Variants in CNTNAP5 observed in about 807,000 individuals in gnomAD.
CNTNAP5 encodes contactin-associated protein-like 5.
In CNTNAP5, 72 loss-of-function variants were observed where a neutral mutation model predicts 150.2. The ratio of observed to expected loss-of-function variants is 0.48; its 90% CI spans 0.40 to 0.58. The LOEUF is 0.58. CNTNAP5 is among the 20% of genes least tolerant of loss of function. The probability of loss-of-function intolerance (pLI) is 0.00; values close to 1 mark genes in which losing one functional copy is unlikely to be tolerated. For missense variants in CNTNAP5, 1,636 were observed against 1,626.2 expected, an observed-to-expected ratio of 1.01 and a Z score of -0.10; for synonymous variants, 672 against 619.8, an observed-to-expected ratio of 1.08 and a Z score of -1.25.
chr2:124,613,443 A>G (rs1489604923), intron 12 of CNTNAP5, among the ~76,000 whole-genome samples: 1 of 152,220 alleles, frequency 6.6e-6, no homozygotes, highest in Non-Finnish European at 1.5e-5. Context: ...CCACATCTGT[A>G]AAATTAAGAT....
At chr2:124,896,190 C>G (rs2104753244) in intron 21 of CNTNAP5, among the ~76,000 whole-genome samples, 1 of 151,528 alleles carries the variant, frequency 6.6e-6, no homozygotes, top group African/African-American at 2.4e-5. Flanking sequence ...AGAGAGCGTT[C>G]TGGATAACAT....
chr2:124,252,624 T>C (rs1282876234), intron 3 of CNTNAP5, among the ~76,000 whole-genome samples: 3 of 152,218 alleles, frequency 2.0e-5, no homozygotes, highest in Non-Finnish European at 4.4e-5. Context: ...TGAGTTCTCT[T>C]CTTGAAATAC....
intron 3 of CNTNAP5, among the ~76,000 whole-genome samples, chr2:124,286,311 C>G (rs1454803914): frequency 1.3e-5 from 2 of 152,170 alleles, no homozygotes; most frequent in African/African-American, 4.8e-5. Flanking sequence ...ACTTCTTCTG[C>G]CCAGCATGAA....
At chr2:124,495,638 AC>A (rs1383376660) in intron 7 of CNTNAP5, among the ~76,000 whole-genome samples, 2 of 152,068 alleles carry the variant, frequency 1.3e-5, no homozygotes, top group East Asian at 3.9e-4. Context: ...CTCAAATGAA[AC>A]CCTAATGTGC....
intron 19 of CNTNAP5, among the ~76,000 whole-genome samples, chr2:124,858,737 C>A (rs948748744): frequency 6.6e-6 from 1 of 152,104 alleles, no homozygotes; most frequent in South Asian, 2.1e-4. Context: ...TAAATCATAT[C>A]ACCAGAGAAA....
At chr2:124,101,710 C>T (rs1239471225) in intron 1 of CNTNAP5, among the ~76,000 whole-genome samples, 1 of 152,156 alleles carries the variant, frequency 6.6e-6, no homozygotes, top group Non-Finnish European at 1.5e-5. Context: ...TCACTTCAGC[C>T]CCAATCAGCA....
chr2:124,414,116 T>A (rs544267857), intron 3 of CNTNAP5, among the ~76,000 whole-genome samples: 1 of 151,392 alleles, frequency 6.6e-6, no homozygotes, highest in Admixed American at 6.6e-5. Flanking sequence ...ATTTTTGGAT[T>A]TCCTTTTTTT....
At chr2:124,510,841 G>A (rs916715941) in intron 8 of CNTNAP5, among the ~76,000 whole-genome samples, 1 of 152,150 alleles carries the variant, frequency 6.6e-6, no homozygotes, top group Non-Finnish European at 1.5e-5. Context: ...ACACCTTCTA[G>A]GAGTCTTGCT....
intron 3 of CNTNAP5, among the ~76,000 whole-genome samples, chr2:124,403,727 C>T (rs558698581): frequency 7.2e-5 from 11 of 152,232 alleles, no homozygotes; most frequent in South Asian, 2.1e-4. Flanking sequence ...CGTATTAGTC[C>T]GGTCTCATGC....
intron 1 of CNTNAP5, among the ~76,000 whole-genome samples, chr2:124,122,858 T>C (rs1189630790): frequency 2.0e-5 from 3 of 151,818 alleles, no homozygotes; most frequent in African/African-American, 7.3e-5. Context: ...TTGACACCCA[T>C]GTCAGTGCCC....
intron 3 of CNTNAP5, among the ~76,000 whole-genome samples, chr2:124,380,650 A>T (rs1330877074): frequency 2.6e-5 from 4 of 152,042 alleles, no homozygotes; most frequent in Admixed American, 6.6e-5. Context: ...TCTCTTTCGA[A>T]ATTTGTAATA....
At chr2:124,344,214 T>C (rs1204669878) in intron 3 of CNTNAP5, among the ~76,000 whole-genome samples, 2 of 152,124 alleles carry the variant, frequency 1.3e-5, no homozygotes, top group African/African-American at 4.8e-5. Context: ...CCAAAACTCA[T>C]GTCCTTCTCA....
chr2:124,852,369 C>A (rs979232059), intron 19 of CNTNAP5, among the ~76,000 whole-genome samples: 4 of 152,046 alleles, frequency 2.6e-5, no homozygotes, highest in African/African-American at 7.2e-5. Flanking sequence ...GTATCAGGAG[C>A]ATTCTAGGTG....
At position 124,119,500 on chromosome 2, in the gene CNTNAP5, A is replaced by G. The variant is rs192095350; in HGVS notation, c.82+93768A>G. ...CACCAGTAAAAACAAAACACTTTCA[A>G]TTTTTAAAAATTTTGTCTATAGCAC... On this transcript the variant is annotated intron_variant, in intron 1 of 23. Coordinates refer to ENST00000682447, the MANE Select transcript of CNTNAP5 (RefSeq NM_001367498.1). 2.5e-3 allele frequency among the ~76,000 whole-genome samples: 384 copies of G among 152,242 alleles called. 5 individuals are homozygous for G. In the South Asian group the frequency reaches 0.03, roughly 12 times the overall value.
In CNTNAP5 at chr2:124,489,258, T is replaced by C. The variant is rs189792953; in HGVS notation, c.1062+14376T>C. ...TTGACTAACACAACAGAAATTATTT[T>C]CCCACAGTTCTGGAAGCTGGAAGTC... On this transcript the variant is annotated intron_variant, in intron 7 of 23. Transcript: ENST00000682447. Among the ~76,000 whole-genome samples, 546 of 152,272 alleles carry C rather than the reference T, an allele frequency of 3.6e-3. 2 individuals carry two copies. The highest frequency in any genetic ancestry group is 0.012 in the African/African-American group (518 of 41,562).
chr2:124,250,432 G>C (rs1687144053), intron 3 of CNTNAP5, among the ~76,000 whole-genome samples: 2 of 152,174 alleles, frequency 1.3e-5, no homozygotes, highest in Admixed American at 6.6e-5. Context: ...TATGTGATGT[G>C]CCTGGGGGAG....
chr2:124,580,841 A>G (rs1157664014), intron 11 of CNTNAP5, among the ~76,000 whole-genome samples: 1 of 152,236 alleles, frequency 6.6e-6, no homozygotes, highest in African/African-American at 2.4e-5. Flanking sequence ...GCTGAATGAT[A>G]AAATAGATAT....
intron 17 of CNTNAP5, among the ~76,000 whole-genome samples, chr2:124,777,458 C>T (rs1681349671): frequency 6.6e-6 from 1 of 152,126 alleles, no homozygotes; most frequent in Non-Finnish European, 1.5e-5. Context: ...TCTCAGCTCA[C>T]TGAAACCCCT....
intron 14 of CNTNAP5, among the ~76,000 whole-genome samples, chr2:124,751,893 A>G (rs1474118444): frequency 6.6e-6 from 1 of 152,230 alleles, no homozygotes; most frequent in Non-Finnish European, 1.5e-5. Flanking sequence ...TAACATCTCA[A>G]TAACTCTTGA....
Sources: gnomAD v4.1 joint callset for allele counts (sites outside exome capture counted in the v4.1 genomes callset) on GRCh38, gnomAD v4.1.1 for gene constraint, MANE v1.5 for transcripts, NCBI Gene and HGNC (gene_info 2026-07-23, HGNC 2026-07-21) for gene names.